The following ERN1 variants were observed in gnomAD, a reference collection of about 807,000 sequenced individuals.
The protein encoded by ERN1 is endoplasmic reticulum to nucleus signaling 1.
ERN1 carries 39 observed loss-of-function variants against 113.1 expected under a neutral mutation model. The observed-to-expected ratio is 0.34, with a 90% confidence interval of 0.27 to 0.45. The LOEUF is 0.45. Among genes scored for constraint, ERN1 ranks in the 20% least tolerant of loss-of-function variants. The pLI, the probability that ERN1 is intolerant of heterozygous loss-of-function variation, is 1.00. For missense variants in ERN1, 976 were observed against 1,274.8 expected (o/e 0.77, Z 3.57); for synonymous variants, 507 against 515.9 (o/e 0.98, Z 0.23).
intron 1 of ERN1, among the ~76,000 whole-genome samples, chr17:64,101,306 C>T (rs141975149): frequency 0.013 from 1,911 of 151,958 alleles, 31 homozygotes; most frequent in Middle Eastern, 0.02. Context: ...CTACTAGAGA[C>T]GCTGAGGCAG....
chr17:64,122,922 T>C (rs932807105), intron 1 of ERN1, among the ~76,000 whole-genome samples: 1 of 152,196 alleles, frequency 6.6e-6, no homozygotes, highest in Non-Finnish European at 1.5e-5. Context: ...AGGGTGATTA[T>C]TTTGAAAGGG....
At position 64,041,890 on chromosome 17, in the gene ERN1, G is replaced by A. The variant is rs1912349431; in HGVS notation, c.*2098C>T. On this transcript the variant is annotated 3_prime_UTR_variant, in exon 22 of 22. Transcript: ENST00000433197. ...GAGAAATCTGCGTGGTTAGAAACTAGTATGATAAGCAGAAAAGGCATCGGA... is the reference window on the plus strand; with the variant it reads ...GAGAAATCTGCGTGGTTAGAAACTAATATGATAAGCAGAAAAGGCATCGGA... The A allele has an allele frequency of 6.6e-6, 1 of 152,208 alleles. No homozygotes were observed. The highest frequency in any genetic ancestry group is 2.1e-4 in the South Asian group (1 of 4,834). The allele number at this position is 152,208 out of a possible 1,614,324, so 9.4% of individuals were successfully genotyped here.
chr17:64,126,907 ATATCT>A (rs1270500645), intron 1 of ERN1, among the ~76,000 whole-genome samples: 1 of 151,824 alleles, frequency 6.6e-6, no homozygotes, highest in East Asian at 1.9e-4. Flanking sequence ...AAGAAATCTG[ATATCT>A]TATAGCTTTT....
intron 1 of ERN1, chr17:64,102,836 G>C: frequency 2.0e-6 from 2 of 985,250 alleles, no homozygotes; most frequent in Non-Finnish European, 2.4e-6. Flanking sequence ...CGAGTCTGCA[G>C]ATCTGTTTCA....
At chr17:64,116,894 G>A (rs149524865) in intron 1 of ERN1, among the ~76,000 whole-genome samples, 6,688 of 148,158 alleles carry the variant, frequency 0.045, 480 homozygotes, top group African/African-American at 0.16. Flanking sequence ...CACAAGGTCC[G>A]GAGATTGAGA....
At chr17:64,107,315 A>G (rs1181180143) in intron 1 of ERN1, among the ~76,000 whole-genome samples, 1 of 152,104 alleles carries the variant, frequency 6.6e-6, no homozygotes, top group East Asian at 1.9e-4. Context: ...GATACAAAAA[A>G]AATTTGTTTT....
In ERN1 at chr17:64,040,373, T is replaced by C. The variant is rs3803813; in HGVS notation, c.*3615A>G. 0.17 allele frequency: 26,452 copies of C among 152,200 alleles called. 2,539 individuals are homozygous for C. The highest frequency in any genetic ancestry group is 0.36 in the East Asian group (1,831 of 5,148). 9.4% of individuals were successfully genotyped at this position (152,200 alleles called of 1,614,324 possible). A position where few individuals can be genotyped will look rare whatever the true frequency, so the allele number is the denominator to read the frequency against. The stretch of plus-strand genomic sequence containing the variant: ...GAAAGGACAGAGAAAGGAACGGCTC[T>C]GGGAAAGCCAAACCTGGCCAAAGTC... On this transcript the variant is annotated 3_prime_UTR_variant, in exon 22 of 22. Coordinates refer to ENST00000433197, the MANE Select transcript of ERN1 (RefSeq NM_001433.5).
intron 12 of ERN1, 123 bp downstream of exon 12, chr17:64,057,679 A>T: frequency 9.9e-7 from 1 of 1,006,052 alleles, no homozygotes; most frequent in Non-Finnish European, 1.5e-6. Flanking sequence ...GCCAACAAAC[A>T]CTGACTTTTA....
chr17:64,120,481 G>A (rs1014166325), intron 1 of ERN1, among the ~76,000 whole-genome samples: 2 of 152,058 alleles, frequency 1.3e-5, no homozygotes, highest in Admixed American at 6.5e-5. Flanking sequence ...CAGAGAGGGG[G>A]GAAATAATCC....
chr17:64,064,190 G>C lies in ERN1; in HGVS notation c.922-39C>G. ...GCAGTGAGGGTCAGGAGCCCTGGAG[G>C]GAGAGCGGGTCCCACGGCACACCAT... On this transcript the variant is annotated intron_variant, in intron 9 of 21. Coordinates refer to ENST00000433197, the MANE Select transcript of ERN1 (RefSeq NM_001433.5). 4 of 1,545,820 alleles carry C rather than the reference G, an allele frequency of 2.6e-6. 1 individual carries two copies. The South Asian group carries it at 4.8e-5, about 18-fold the overall frequency.
intron 1 of ERN1, among the ~76,000 whole-genome samples, chr17:64,108,942 G>C (rs1331465277): frequency 6.6e-6 from 1 of 152,066 alleles, no homozygotes; most frequent in African/African-American, 2.4e-5. Context: ...GGTCAACATG[G>C]GGAAACCCCG....
At chr17:64,064,867 C>A (rs924551066) in intron 9 of ERN1, among the ~76,000 whole-genome samples, 6 of 152,256 alleles carry the variant, frequency 3.9e-5, no homozygotes, top group Non-Finnish European at 7.4e-5. Context: ...GGAGAAGGTG[C>A]ACATGGTTGG....
At chr17:64,053,395 T>C in intron 15 of ERN1, 24 bp from the exon 16 acceptor site, 1 of 1,557,714 alleles carries the variant, frequency 6.4e-7, no homozygotes, top group Non-Finnish European at 8.7e-7. Context: ...GACAGCAAGG[T>C]CACGGCACAC....
At chr17:64,075,091 C>A in intron 5 of ERN1, 84 bp downstream of exon 5, 1 of 1,111,102 alleles carries the variant, frequency 9.0e-7, no homozygotes, top group Non-Finnish European at 1.3e-6. Context: ...GCGGTGACTG[C>A]GCCCTCTCTC....
At position 64,115,295 on chromosome 17, in the gene ERN1, A is replaced by G. The variant is rs191127948; in HGVS notation, c.54+14681T>C. ...CCTGTTGGCTGACTCTTCTATTTCA[A>G]CTCCTGTGTGCTAGTTCACTTACTC... On this transcript the variant is annotated intron_variant, in intron 1 of 21. Coordinates refer to ENST00000433197, the MANE Select transcript of ERN1 (RefSeq NM_001433.5). Among the ~76,000 whole-genome samples, 9 of 151,564 alleles carry G rather than the reference A, an allele frequency of 5.9e-5. No homozygotes were observed. In the East Asian group the frequency reaches 1.7e-3, roughly 29 times the overall value.
Position 64,067,606 on chromosome 17 carries a change from CA to C in ERN1, c.580+583del, listed in dbSNP as rs5821419. Reference sequence around the variant, plus strand: ...TGGGGAACAGAGGGAGAACTTGCCTCAAAAAAAAAAACAACAAAAAAACACC... The same window carrying C: ...TGGGGAACAGAGGGAGAACTTGCCTCAAAAAAAAAACAACAAAAAAACACC... On this transcript the variant is annotated intron_variant, in intron 7 of 21. Transcript: ENST00000433197. Among the ~76,000 whole-genome samples, 11 of 144,248 alleles carry C rather than the reference CA, an allele frequency of 7.6e-5. No homozygotes were observed. In the South Asian group the frequency reaches 8.8e-4, roughly 12 times the overall value. The allele number at this position is 144,248 out of a possible 152,430, so 94.6% of individuals were successfully genotyped here.
At position 64,054,483 on chromosome 17, in the gene ERN1, AG is replaced by A. The variant is rs748693925; in HGVS notation, c.1764-45del. ...GAGTTGTGTCTGGGAAGCACGAGTC[AG>A]GCTGTGTAAATGAGGTGAGAACCTG... On this transcript the variant is annotated intron_variant, in intron 14 of 21. Transcript: ENST00000433197. The surrounding 1 kb of genome is among the most constrained non-coding windows in gnomAD (Gnocchi z 4.9). 89 of 1,523,444 alleles carry A rather than the reference AG, an allele frequency of 5.8e-5. No homozygotes were observed. Among genetic ancestry groups the A allele is most frequent in the Admixed American group, 1.8e-4 (9 of 50,366 alleles). The allele number at this position is 1,523,444 out of a possible 1,614,324, so 94.4% of individuals were successfully genotyped here. A position where few individuals can be genotyped will look rare whatever the true frequency, so the allele number is the denominator to read the frequency against.
chr17:64,113,016 T>A (rs1914715212), intron 1 of ERN1, among the ~76,000 whole-genome samples: 1 of 152,218 alleles, frequency 6.6e-6, no homozygotes, highest in Non-Finnish European at 1.5e-5. Context: ...CGGGCCTTAA[T>A]ATATTTCCAC....
intron 2 of ERN1, among the ~76,000 whole-genome samples, chr17:64,088,509 T>A (rs1306528471): frequency 6.6e-6 from 1 of 152,134 alleles, no homozygotes; most frequent in Non-Finnish European, 1.5e-5. Flanking sequence ...GTCTGTGTAA[T>A]CCTCTACACA....
Sources: gnomAD v4.1 joint callset for allele counts (sites outside exome capture counted in the v4.1 genomes callset) on GRCh38, gnomAD v4.1.1 for gene constraint, Gnocchi (gnomAD v3.1) non-coding constraint, MANE v1.5 for transcripts, NCBI Gene and HGNC (gene_info 2026-07-23, HGNC 2026-07-21) for gene names.